Variants in CACNB4 observed in about 807,000 individuals in gnomAD.
The protein encoded by CACNB4 is calcium voltage-gated channel auxiliary subunit beta 4.
In CACNB4, 32 loss-of-function variants were observed where a neutral mutation model predicts 71.2. The observed-to-expected ratio is 0.45, with a 90% CI of 0.34 to 0.60. The LOEUF is 0.60. CACNB4 is among the 20% of genes least tolerant of loss of function. The probability of loss-of-function intolerance (pLI) is 0.01; values close to 1 mark genes in which losing one functional copy is unlikely to be tolerated. For missense variants in CACNB4, 464 were observed against 647.9 expected, an observed-to-expected ratio of 0.72 and a Z score of 3.08; for synonymous variants, 231 against 236.9, an observed-to-expected ratio of 0.97 and a Z score of 0.23.
chr2:151,865,485 A>G (rs1290497580), intron 9 of CACNB4, among the ~76,000 whole-genome samples: 1 of 152,234 alleles, frequency 6.6e-6, no homozygotes, highest in Non-Finnish European at 1.5e-5. Flanking sequence ...TCAAAAGCCT[A>G]AAGTAACAAC....
At chr2:151,948,348 G>A (rs2099866085) in intron 2 of CACNB4, among the ~76,000 whole-genome samples, 2 of 152,162 alleles carry the variant, frequency 1.3e-5, no homozygotes, top group Non-Finnish European at 1.5e-5. Flanking sequence ...CCCTTTCTGT[G>A]CTCTGACCTG....
chr2:151,893,101 A>G (rs1224091785), intron 2 of CACNB4, among the ~76,000 whole-genome samples: 2 of 152,214 alleles, frequency 1.3e-5, no homozygotes, highest in Non-Finnish European at 2.9e-5. Context: ...ATGAAATTAC[A>G]AGGAGACCAC....
At chr2:152,051,517 C>G (rs1454547262) in intron 2 of CACNB4, among the ~76,000 whole-genome samples, 1 of 152,108 alleles carries the variant, frequency 6.6e-6, no homozygotes, top group Non-Finnish European at 1.5e-5. Context: ...GAGGGTGAAG[C>G]CCTCCTGATG....
chr2:152,044,210 A>ATTTATT (rs896196780), intron 2 of CACNB4, among the ~76,000 whole-genome samples: 4 of 152,094 alleles, frequency 2.6e-5, no homozygotes, highest in African/African-American at 2.4e-5. Flanking sequence ...AACAGATTTT[A>ATTTATT]TTTATTTTTA....
At chr2:151,917,503 A>C (rs1025984562) in intron 2 of CACNB4, among the ~76,000 whole-genome samples, 1 of 152,182 alleles carries the variant, frequency 6.6e-6, no homozygotes, top group Non-Finnish European at 1.5e-5. Flanking sequence ...GTTTAAAAAT[A>C]TATTTGCTAC....
intron 2 of CACNB4, among the ~76,000 whole-genome samples, chr2:152,058,944 G>A (rs113962224): frequency 3.9e-5 from 6 of 152,252 alleles, no homozygotes; most frequent in African/African-American, 7.2e-5. Context: ...TAAAAGGGGC[G>A]AAGGTACAGC....
rs941772249 is a variant in CACNB4, at chr2:152,043,038, A to C, written c.147+55292T>G. ...ACAACAGTTTACAGATGCCATGGCA[A>C]CGTCAGGAAGTTACCCTGTATGGTC... On this transcript the variant is annotated intron_variant, in intron 2 of 13. Transcript: ENST00000539935. Among the ~76,000 whole-genome samples, 3 of 152,196 alleles carry C rather than the reference A, an allele frequency of 2.0e-5. No homozygotes were observed. In the South Asian group the frequency reaches 6.2e-4, roughly 32 times the overall value.
At chr2:151,926,172 G>T (rs746670334) in intron 2 of CACNB4, among the ~76,000 whole-genome samples, 9 of 152,102 alleles carry the variant, frequency 5.9e-5, no homozygotes, top group Non-Finnish European at 1.2e-4. Flanking sequence ...ACTGAGTGCT[G>T]GGTCTCCAAA....
intron 2 of CACNB4, among the ~76,000 whole-genome samples, chr2:152,065,157 C>T (rs748792226): frequency 5.9e-5 from 9 of 152,124 alleles, no homozygotes; most frequent in Non-Finnish European, 1.3e-4. Flanking sequence ...CCGAGGTGGG[C>T]AGATCATTTG....
At chr2:152,028,950 C>T (rs1420589254) in intron 2 of CACNB4, among the ~76,000 whole-genome samples, 1 of 152,138 alleles carries the variant, frequency 6.6e-6, no homozygotes, top group Non-Finnish European at 1.5e-5. Context: ...AAGAAAAATC[C>T]AAGTAGCTTG....
intron 12 of CACNB4, chr2:151,851,057 C>A (rs2099838961): frequency 6.6e-6 from 1 of 152,166 alleles, no homozygotes; most frequent in Admixed American, 6.5e-5. Flanking sequence ...ATGTAATTTG[C>A]TGACTTTTCA....
At chr2:152,005,766 T>C (rs1440228757) in intron 2 of CACNB4, among the ~76,000 whole-genome samples, 1 of 152,232 alleles carries the variant, frequency 6.6e-6, no homozygotes, top group Non-Finnish European at 1.5e-5. Context: ...TAAGTGCAAG[T>C]GCAACCACCA....
At chr2:152,023,151 G>A (rs1375183484) in intron 2 of CACNB4, among the ~76,000 whole-genome samples, 3 of 151,876 alleles carry the variant, frequency 2.0e-5, no homozygotes, top group African/African-American at 7.3e-5. Flanking sequence ...GAGCATGAGC[G>A]AGCACAAACA....
At position 152,098,426 on chromosome 2, in the gene CACNB4, C is replaced by A; in HGVS notation, c.64-13G>T. The stretch of plus-strand genomic sequence containing the variant: ...TGCCTCGGGCCACCTGGACTCGACA[C>A]ACGGGGGCCAGAGAGAAGCCGGTGA... On this transcript the variant is annotated splice_polypyrimidine_tract_variant and intron_variant, in intron 1 of 13. Transcript: ENST00000539935. The surrounding 1 kb of genome is among the most constrained non-coding windows in gnomAD (Gnocchi z 5.3). 1 of 1,608,798 alleles carries A rather than the reference C, an allele frequency of 6.2e-7. No individual in the cohort carries two copies. Among genetic ancestry groups the A allele is most frequent in the Non-Finnish European group, 8.5e-7 (1 of 1,175,516 alleles).
intron 2 of CACNB4, among the ~76,000 whole-genome samples, chr2:152,055,854 T>C (rs4664523): frequency 0.57 from 86,219 of 151,904 alleles, 26,562 homozygotes; most frequent in East Asian, 0.8. Context: ...CTGGGCAAAG[T>C]GTGACAAAGA....
At chr2:151,943,731 A>G (rs1332730106) in intron 2 of CACNB4, among the ~76,000 whole-genome samples, 1 of 152,198 alleles carries the variant, frequency 6.6e-6, no homozygotes, top group East Asian at 1.9e-4. Context: ...CCAGGAGGGT[A>G]AAGGATTTTT....
intron 10 of CACNB4, among the ~76,000 whole-genome samples, chr2:151,856,209 T>C (rs905384471): frequency 6.7e-6 from 1 of 148,688 alleles, no homozygotes; most frequent in African/African-American, 2.5e-5. Flanking sequence ...TTCTGAAATA[T>C]AAAAAAGTTT....
At chr2:151,876,303 T>G in intron 5 of CACNB4, 123 bp downstream of exon 5, 1 of 715,962 alleles carries the variant, frequency 1.4e-6, no homozygotes, top group South Asian at 2.6e-5. Context: ...GAAACTCTTC[T>G]GTGTCAGTTT....
chr2:152,090,578 G>C (rs1314166150), intron 2 of CACNB4, among the ~76,000 whole-genome samples: 6 of 151,728 alleles, frequency 4.0e-5, no homozygotes, highest in Admixed American at 3.9e-4. Context: ...GGGAGGCAGA[G>C]GTTGCAGTGA....
Sources: allele counts gnomAD v4.1 joint callset (sites outside exome capture counted in the v4.1 genomes callset), GRCh38; gene constraint gnomAD v4.1.1; non-coding constraint Gnocchi (gnomAD v3.1); transcripts MANE v1.5; gene names NCBI Gene and HGNC (gene_info 2026-07-23, HGNC 2026-07-21).